SPSB1: variants seen among roughly 807,000 people sequenced by gnomAD.
The protein encoded by SPSB1 is SPRY domain-containing SOCS box protein 1.
SPSB1 carries 8 observed loss-of-function variants against 21.2 expected under a neutral mutation model. The observed-to-expected ratio is 0.38, with a 90% CI of 0.22 to 0.68. SPSB1 has a LOEUF of 0.68. Among genes scored for constraint, SPSB1 ranks in the 30% least tolerant of loss-of-function variants. The pLI is 0.53. For missense variants in SPSB1, 242 were observed against 377.8 expected (o/e 0.64, Z 2.98); for synonymous variants, 169 against 161.7 (o/e 1.05, Z -0.34).
At chr1:9,349,688 A>G (rs1007663058) in intron 1 of SPSB1, among the ~76,000 whole-genome samples, 4 of 152,234 alleles carry the variant, frequency 2.6e-5, no homozygotes, top group Admixed American at 2.0e-4. Flanking sequence ...TTCGATCCAG[A>G]TGAGATGCAG....
intron 1 of SPSB1, among the ~76,000 whole-genome samples, chr1:9,303,247 A>G (rs142421748): frequency 6.6e-6 from 1 of 152,344 alleles, no homozygotes; most frequent in Non-Finnish European, 1.5e-5. Flanking sequence ...AATTACAAGG[A>G]TACAATCCAG....
chr1:9,331,487 T>C (rs1639919187), intron 1 of SPSB1, among the ~76,000 whole-genome samples: 1 of 151,996 alleles, frequency 6.6e-6, no homozygotes, highest in East Asian at 1.9e-4. Flanking sequence ...TGCGCCACCA[T>C]GCCCGACTAA....
At chr1:9,341,534 G>T (rs1006071472) in intron 1 of SPSB1, among the ~76,000 whole-genome samples, 4 of 152,202 alleles carry the variant, frequency 2.6e-5, no homozygotes, top group Admixed American at 2.6e-4. Flanking sequence ...TTTTCCCACT[G>T]TTCACCAGCT....
chr1:9,361,851 G>T (rs565327975), intron 2 of SPSB1, among the ~76,000 whole-genome samples: 11 of 152,314 alleles, frequency 7.2e-5, no homozygotes, highest in Middle Eastern at 3.4e-3. Context: ...CCCTGGAGAT[G>T]TGGAAAGGCC....
Position 9,317,441 on chromosome 1 carries a change from G to A in SPSB1, c.-150+24370G>A, listed in dbSNP as rs1454463457. Among the ~76,000 whole-genome samples, 4 of 152,100 alleles carry A rather than the reference G, an allele frequency of 2.6e-5. No individual in the cohort carries two copies. Among genetic ancestry groups the A allele is most frequent in the East Asian group, 1.9e-4 (1 of 5,198 alleles). ...TATCTGGGAGAAGGGGTGTGGGGGC[G>A]TGTGGTAGAGATTTTCAGACCACCA... is the stretch of plus-strand genomic sequence containing the variant. On this transcript the variant is annotated intron_variant, in intron 1 of 2. Coordinates refer to ENST00000328089, the MANE Select transcript of SPSB1 (RefSeq NM_025106.4). The surrounding 1 kb of genome is among the most constrained non-coding windows in gnomAD (Gnocchi z 4.3).
chr1:9,339,625 T>G (rs1640057863), intron 1 of SPSB1, among the ~76,000 whole-genome samples: 1 of 152,124 alleles, frequency 6.6e-6, no homozygotes, highest in African/African-American at 2.4e-5. Flanking sequence ...CTAAGGGACC[T>G]TTGGAGAAGC....
intron 1 of SPSB1, among the ~76,000 whole-genome samples, chr1:9,295,656 C>T (rs746705710): frequency 2.1e-4 from 32 of 152,262 alleles, no homozygotes; most frequent in Admixed American, 1.3e-4. Context: ...GGGCCTAGCC[C>T]GTGGAAGCCA....
Position 9,292,953 on chromosome 1 carries a change from C to G in SPSB1, c.-268C>G. 1 of 820,206 alleles carries G rather than the reference C, an allele frequency of 1.2e-6. No homozygotes were observed. Among genetic ancestry groups the G allele is most frequent in the African/African-American group, 6.2e-5 (1 of 16,068 alleles). 50.8% of individuals were successfully genotyped at this position (820,206 alleles called of 1,614,324 possible). A position where few individuals can be genotyped will look rare whatever the true frequency, so the allele number is the denominator to read the frequency against. On this transcript the variant is annotated 5_prime_UTR_variant, in exon 1 of 3. Coordinates refer to ENST00000328089, the MANE Select transcript of SPSB1 (RefSeq NM_025106.4). ...GCAGCAGGAACCAGGCTCCAGGCGCCGGCGCCGGGGCCGGGGCCGCGGGGA... is the reference window on the plus strand; with the variant it reads ...GCAGCAGGAACCAGGCTCCAGGCGCGGGCGCCGGGGCCGGGGCCGCGGGGA...
Position 9,356,256 on chromosome 1 carries a change from C to T in SPSB1, c.365C>T (p.Ala122Val). The change falls in exon 2 of 3, where the codon GCC (alanine) becomes GTC (valine). Residue 122 changes from alanine to valine, a missense_variant. By Grantham distance (64) the Ala-to-Val change is moderately conservative. Transcript: ENST00000328089. The surrounding 1 kb of genome is among the most constrained non-coding windows in gnomAD (Gnocchi z 7.4). The stretch of plus-strand genomic sequence containing the variant: ...GTGGTGGGGGTGGCGACGGCAGACG[C>T]CCCCCTGCACTCTGTCGGGTACACA... ...HAVVGVATAD[A>V]PLHSVGYTTL... 6.2e-7 allele frequency: 1 copy of T among 1,609,310 alleles called. No homozygotes were observed. The highest frequency in any genetic ancestry group is 8.5e-7 in the Non-Finnish European group (1 of 1,177,034).
intron 1 of SPSB1, among the ~76,000 whole-genome samples, chr1:9,297,623 A>T (rs867155656): frequency 1.4e-4 from 21 of 151,906 alleles, no homozygotes; most frequent in African/African-American, 4.9e-4. Context: ...CTAAGCGGAG[A>T]TTCTGCACTT....
intron 1 of SPSB1, among the ~76,000 whole-genome samples, chr1:9,341,281 C>T (rs1046267885): frequency 6.6e-6 from 1 of 152,226 alleles, no homozygotes; most frequent in African/African-American, 2.4e-5. Context: ...CAGGCTGCCA[C>T]CCCTTCCCAA....
At chr1:9,352,527 C>T (rs1557463541) in intron 1 of SPSB1, among the ~76,000 whole-genome samples, 1 of 152,168 alleles carries the variant, frequency 6.6e-6, no homozygotes, top group Admixed American at 6.5e-5. Flanking sequence ...ACTGTCTGGC[C>T]CTCAAAGCCA....
intron 1 of SPSB1, among the ~76,000 whole-genome samples, chr1:9,328,027 G>T (rs996656773): frequency 2.6e-5 from 4 of 152,238 alleles, no homozygotes; most frequent in Non-Finnish European, 4.4e-5. Context: ...TACGCTTTGG[G>T]AGGATTTCGA....
At chr1:9,354,783 A>G (rs1481660225) in intron 1 of SPSB1, among the ~76,000 whole-genome samples, 3 of 151,026 alleles carry the variant, frequency 2.0e-5, no homozygotes, top group African/African-American at 7.3e-5. Context: ...CCTGGGCGAC[A>G]GAGCAAGACT....
intron 1 of SPSB1, among the ~76,000 whole-genome samples, chr1:9,298,734 T>C (rs1481613154): frequency 6.6e-6 from 1 of 152,202 alleles, no homozygotes; most frequent in East Asian, 1.9e-4. Context: ...AATGGAGTTT[T>C]AGCTTAGGTT....
intron 1 of SPSB1, among the ~76,000 whole-genome samples, chr1:9,316,683 C>T (rs963421106): frequency 8.5e-5 from 13 of 152,332 alleles, no homozygotes; most frequent in African/African-American, 2.4e-4. Flanking sequence ...CCGTGACTCC[C>T]GGATTCCTGT....
intron 1 of SPSB1, among the ~76,000 whole-genome samples, chr1:9,300,569 T>C (rs1351619582): frequency 6.6e-6 from 1 of 152,238 alleles, no homozygotes; most frequent in Non-Finnish European, 1.5e-5. Flanking sequence ...AGACAGCTCT[T>C]GGCCTAATAC....
chr1:9,354,438 T>G (rs1338900703), intron 1 of SPSB1, among the ~76,000 whole-genome samples: 2 of 152,106 alleles, frequency 1.3e-5, no homozygotes, highest in Non-Finnish European at 1.5e-5. Context: ...GCTGCCCTCC[T>G]TGGCCTCTCT....
At chr1:9,339,828 GA>G (rs1640060867) in intron 1 of SPSB1, among the ~76,000 whole-genome samples, 1 of 152,218 alleles carries the variant, frequency 6.6e-6, no homozygotes, top group South Asian at 2.1e-4. Context: ...CTGGTGGCAG[GA>G]CAGGGGAAGC....
Sources: gnomAD v4.1 joint callset for allele counts (sites outside exome capture counted in the v4.1 genomes callset) on GRCh38, gnomAD v4.1.1 for gene constraint, Gnocchi (gnomAD v3.1) non-coding constraint, MANE v1.5 for transcripts, NCBI Gene and HGNC (gene_info 2026-07-23, HGNC 2026-07-21) for gene names.